The following MYO16 variants were observed in gnomAD, a reference collection of about 807,000 sequenced individuals.
The protein encoded by MYO16 is unconventional myosin-XVI.
Under a neutral mutation model 205.3 loss-of-function variants are expected in MYO16, and 94 were observed. That is an observed-to-expected ratio of 0.46 (90% CI 0.39 to 0.54). The LOEUF (loss-of-function observed/expected upper bound fraction) is 0.54. MYO16 is among the 20% of genes least tolerant of loss of function. The pLI, the probability that MYO16 is intolerant of heterozygous loss-of-function variation, is 0.00. For missense variants in MYO16, 2,315 were observed against 2,387.5 expected, an observed-to-expected ratio of 0.97 and a Z score of 0.63; for synonymous variants, 988 against 954.0, an observed-to-expected ratio of 1.04 and a Z score of -0.66.
At chr13:108,964,992 T>C (rs1883735384) in intron 20 of MYO16, 90 bp downstream of exon 20, 11 of 1,326,794 alleles carry the variant, frequency 8.3e-6, no homozygotes, top group South Asian at 1.4e-5. Flanking sequence ...TATTACAGGG[T>C]AACCAATAAG....
At chr13:108,601,983 C>T (rs1252818825) in intron 1 of MYO16, among the ~76,000 whole-genome samples, 2 of 151,694 alleles carry the variant, frequency 1.3e-5, no homozygotes, top group Non-Finnish European at 2.9e-5. Flanking sequence ...TATTAGGAGG[C>T]TGGGCCACGG....
At chr13:109,049,728 G>C (rs1887176984) in intron 24 of MYO16, among the ~76,000 whole-genome samples, 1 of 151,208 alleles carries the variant, frequency 6.6e-6, no homozygotes, top group African/African-American at 2.4e-5. Flanking sequence ...AATTATTTAA[G>C]TTGGCTATAC....
intron 31 of MYO16, among the ~76,000 whole-genome samples, chr13:109,131,809 C>T (rs1180469755): frequency 6.6e-6 from 1 of 152,162 alleles, no homozygotes. Flanking sequence ...CCTCACACAC[C>T]GGGTGCAGCC....
chr13:108,518,425 A>G, the MYO16 span, among the ~76,000 whole-genome samples: 6 of 152,304 alleles, frequency 3.9e-5, no homozygotes, highest in East Asian at 5.8e-4. Context: ...GATGTCTAAG[A>G]TGTCCTGAGT....
intron 12 of MYO16, among the ~76,000 whole-genome samples, chr13:108,879,792 TG>T (rs1478705840): frequency 6.6e-6 from 1 of 152,222 alleles, no homozygotes; most frequent in Non-Finnish European, 1.5e-5. Context: ...TCCAAGTCTT[TG>T]CCATTGTGAG....
intron 23 of MYO16, among the ~76,000 whole-genome samples, chr13:109,020,445 C>G (rs1216455066): frequency 6.6e-6 from 1 of 151,748 alleles, no homozygotes; most frequent in Non-Finnish European, 1.5e-5. Flanking sequence ...AGGCTAATAT[C>G]AGGTTTCTCC....
At chr13:108,984,643 C>T (rs1884565259) in intron 20 of MYO16, among the ~76,000 whole-genome samples, 1 of 152,168 alleles carries the variant, frequency 6.6e-6, no homozygotes, top group Non-Finnish European at 1.5e-5. Context: ...TAAACCAGAC[C>T]CATGTACTTG....
intron 16 of MYO16, among the ~76,000 whole-genome samples, chr13:108,957,392 A>AC (rs1883402353): frequency 6.6e-6 from 1 of 151,432 alleles, no homozygotes; most frequent in Non-Finnish European, 1.5e-5. Flanking sequence ...TCAAAAAAAA[A>AC]AAAAAAAAAC....
At chr13:108,524,357 T>C in the MYO16 span, among the ~76,000 whole-genome samples, 1 of 151,814 alleles carries the variant, frequency 6.6e-6, no homozygotes, top group Non-Finnish European at 1.5e-5. Flanking sequence ...GTGTGGCACT[T>C]CCCCTGACTC....
At chr13:108,552,508 T>G in the MYO16 span, among the ~76,000 whole-genome samples, 1 of 152,182 alleles carries the variant, frequency 6.6e-6, no homozygotes, top group Non-Finnish European at 1.5e-5. Flanking sequence ...TACTGAACAT[T>G]TTCCCTATAT....
chr13:108,997,162 A>T (rs961006707), intron 21 of MYO16, among the ~76,000 whole-genome samples: 5 of 151,802 alleles, frequency 3.3e-5, no homozygotes, highest in Non-Finnish European at 5.9e-5. Flanking sequence ...ATGGTGGCAC[A>T]TGCCTGTAGT....
intron 31 of MYO16, among the ~76,000 whole-genome samples, chr13:109,128,964 G>T (rs181765514): frequency 6.6e-6 from 1 of 151,552 alleles, no homozygotes; most frequent in East Asian, 2.0e-4. Flanking sequence ...TAGAGACAGG[G>T]TCTCACCATG....
chr13:108,720,701 T>C (rs1884130774), intron 3 of MYO16, among the ~76,000 whole-genome samples: 1 of 152,216 alleles, frequency 6.6e-6, no homozygotes. Flanking sequence ...CTGCCATGAC[T>C]GCTCCGTAAC....
chr13:108,686,930 C>A (rs1048503618), intron 2 of MYO16, among the ~76,000 whole-genome samples: 16 of 152,204 alleles, frequency 1.1e-4, no homozygotes, highest in African/African-American at 2.4e-4. Flanking sequence ...CCAACAGCAG[C>A]AGCCCAGGCT....
chr13:109,175,868 C>G (rs1044199466), intron 33 of MYO16, among the ~76,000 whole-genome samples: 4 of 152,020 alleles, frequency 2.6e-5, no homozygotes, highest in Non-Finnish European at 4.4e-5. Flanking sequence ...GTGGGATTCT[C>G]TACCCACGCA....
intron 4 of MYO16, among the ~76,000 whole-genome samples, chr13:108,736,542 A>G (rs533587336): frequency 3.9e-5 from 6 of 152,190 alleles, no homozygotes; most frequent in African/African-American, 1.4e-4. Context: ...TTTGGTTACT[A>G]TAACCTTGTA....
chr13:108,688,270 C>G (rs1882759811), intron 2 of MYO16, among the ~76,000 whole-genome samples: 1 of 152,064 alleles, frequency 6.6e-6, no homozygotes, highest in South Asian at 2.1e-4. Flanking sequence ...AACAGATTTA[C>G]ACATAGAAAA....
intron 9 of MYO16, among the ~76,000 whole-genome samples, chr13:108,828,203 G>A (rs762838993): frequency 2.0e-5 from 3 of 152,108 alleles, no homozygotes; most frequent in Non-Finnish European, 2.9e-5. Context: ...CCAGGCGTGT[G>A]CTAACTCTGT....
chr13:109,022,677 C>T (rs1222932135), intron 23 of MYO16, among the ~76,000 whole-genome samples: 38 of 54,780 alleles, frequency 6.9e-4, no homozygotes, highest in East Asian at 2.9e-3. Context: ...ATTATATATA[C>T]ACATATAAAC....
Sources: allele counts gnomAD v4.1 joint callset (sites outside exome capture counted in the v4.1 genomes callset), GRCh38; gene constraint gnomAD v4.1.1; transcripts MANE v1.5; gene names NCBI Gene and HGNC (gene_info 2026-07-23, HGNC 2026-07-21).